Variants in ARHGAP23 observed in about 807,000 individuals in gnomAD.
ARHGAP23 encodes Rho GTPase activating protein 23, also known as rho GTPase-activating protein 23.
ARHGAP23 carries 34 observed loss-of-function variants against 136.3 expected under a neutral mutation model. The ratio of observed to expected loss-of-function variants is 0.25; its 90% CI spans 0.19 to 0.33. The LOEUF is 0.33. ARHGAP23 is among the 10% of genes least tolerant of loss of function. The probability of loss-of-function intolerance (pLI) is 1.00; values close to 1 mark genes in which losing one functional copy is unlikely to be tolerated. For missense variants in ARHGAP23, 1,808 were observed against 2,139.0 expected (o/e 0.85, Z 3.05); for synonymous variants, 832 against 920.5 (o/e 0.90, Z 1.74).
Position 38,466,244 on chromosome 17 carries a change from G to C in ARHGAP23, c.561G>C (p.Pro187=). 6.5e-7 allele frequency: 1 copy of C among 1,547,374 alleles called. No homozygotes were observed. Among genetic ancestry groups the C allele is most frequent in the Non-Finnish European group, 8.7e-7 (1 of 1,145,410 alleles). ...CCCGCAGCATCCCAGAGCCACCCCC[G>C]ATCTGCTACCCCCGCAAGACCTACG... ...GEARSIPEPP[P]ICYPRKTYAP... The change falls in exon 7 of 24, where the codon CCG becomes CCC. Residue 187 remains proline (P), a synonymous_variant. Transcript: ENST00000622683.
intron 11 of ARHGAP23, among the ~76,000 whole-genome samples, chr17:38,476,904 T>G: frequency 6.6e-6 from 1 of 150,800 alleles, no homozygotes; most frequent in Non-Finnish European, 1.5e-5. Context: ...GTGTAGAGGG[T>G]GGGGGAGGGC....
At chr17:38,457,983 C>A in intron 1 of ARHGAP23, 119 bp from the exon 2 acceptor site, 1 of 1,286,532 alleles carries the variant, frequency 7.8e-7, no homozygotes, top group South Asian at 1.4e-5. Context: ...TGCCTGGCAA[C>A]CCTAGGGCGA....
rs1205607010 is a variant in ARHGAP23 at position 38,466,650 on chromosome 17, G to A, written c.967G>A (p.Val323Met). ...CGCCTCCCAGGACCGGTTGGAGGAG[G>A]TGGCTGCCCCCCGCCCGTGGCCCTG... ...RSASQDRLEEVAAPRPWPCST... is the reference protein window; with the variant it reads ...RSASQDRLEEMAAPRPWPCST... Residue 323 changes from valine (V) to methionine (M), a missense_variant, in exon 7 of 24, where the codon GTG becomes ATG. This residue lies in a region of ARHGAP23 where 859 missense variants were observed against 936.4 expected (regional missense o/e 0.92). Coordinates refer to ENST00000622683, the MANE Select transcript of ARHGAP23 (RefSeq NM_001199417.2). The A allele has an allele frequency of 6.6e-7, 1 of 1,516,008 alleles. No individual in the cohort carries two copies. Among genetic ancestry groups the A allele is most frequent in the South Asian group, 1.3e-5 (1 of 79,606 alleles). The allele number at this position is 1,516,008 out of a possible 1,614,324, so 93.9% of individuals were successfully genotyped here. A position where few individuals can be genotyped will look rare whatever the true frequency, so the allele number is the denominator to read the frequency against.
chr17:38,471,824 G>A, intron 10 of ARHGAP23, 39 bp from the exon 11 acceptor site: 1 of 1,504,004 alleles, frequency 6.6e-7, no homozygotes, highest in East Asian at 2.5e-5. Flanking sequence ...CTGGCATTGT[G>A]GGAGCCACCC....
chr17:38,485,490 G>GAA (rs1469173499), intron 16 of ARHGAP23, among the ~76,000 whole-genome samples: 2 of 152,218 alleles, frequency 1.3e-5, no homozygotes, highest in Admixed American at 6.5e-5. Flanking sequence ...AACAAAAGCA[G>GAA]AAAATAATGA....
chr17:38,421,826 C>A (rs1056759675), intron 1 of ARHGAP23, among the ~76,000 whole-genome samples: 1 of 152,222 alleles, frequency 6.6e-6, no homozygotes, highest in African/African-American at 2.4e-5. Context: ...AGAGCTTCGA[C>A]GGGGAGGTGG....
At chr17:38,489,281 A>T (rs2040220589) in intron 17 of ARHGAP23, among the ~76,000 whole-genome samples, 1 of 151,614 alleles carries the variant, frequency 6.6e-6, no homozygotes, top group South Asian at 2.1e-4. Context: ...ATATTTTCTT[A>T]CTTTTTCCCC....
At chr17:38,466,072 T>A (rs2039584221) in intron 6 of ARHGAP23, 95 bp from the exon 7 acceptor site, 1 of 1,108,528 alleles carries the variant, frequency 9.0e-7, no homozygotes, top group Admixed American at 3.6e-5. Flanking sequence ...CTCCCTTCAT[T>A]TCCCTCCTGG....
intron 1 of ARHGAP23, among the ~76,000 whole-genome samples, chr17:38,445,489 AAT>A (rs201954931): frequency 6.6e-6 from 1 of 151,470 alleles, no homozygotes. Flanking sequence ...CATCTGAAAA[AAT>A]ATATATATAT....
Position 38,469,898 on chromosome 17 carries a change from C to G in ARHGAP23, c.1968C>G (p.Thr656=). The change falls in exon 10 of 24, where the codon ACC becomes ACG. Residue 656 remains threonine, a synonymous_variant. Coordinates refer to ENST00000622683, the MANE Select transcript of ARHGAP23 (RefSeq NM_001199417.2). The part of the protein sequence containing the change: ...PSLRMLRSFF[T]DGSLDSWGTS... ...TGCGGATGCTCCGGAGCTTCTTCAC[C>G]GACGGGGTGAGAGCTGCAAGTGTGT... is the stretch of plus-strand genomic sequence containing the variant. 6.4e-7 allele frequency: 1 copy of G among 1,551,666 alleles called. No homozygotes were observed. The highest frequency in any genetic ancestry group is 8.7e-7 in the Non-Finnish European group (1 of 1,146,984).
Position 38,467,308 on chromosome 17 carries a change from C to T in ARHGAP23, c.1625C>T (p.Ser542Phe). The change falls in exon 7 of 24, where the codon TCT (serine) becomes TTT (phenylalanine). Residue 542 changes from serine (S) to phenylalanine (F), a missense_variant. Ser to Phe is a radical substitution (Grantham distance 155). Coordinates refer to ENST00000622683, the MANE Select transcript of ARHGAP23 (RefSeq NM_001199417.2). ...GCCCCTTTGGCCACCACCGAAGACT[C>T]TCTGGCTTCCATCCCCTTTATTGGT... ...KVAPLATTED[S>F]LASIPFIDEP... 6.7e-7 allele frequency: 1 copy of T among 1,491,650 alleles called. No individual in the cohort carries two copies. The highest frequency in any genetic ancestry group is 8.9e-7 in the Non-Finnish European group (1 of 1,120,266). 92.4% of individuals were successfully genotyped at this position (1,491,650 alleles called of 1,614,324 possible). A position where few individuals can be genotyped will look rare whatever the true frequency, so the allele number is the denominator to read the frequency against.
chr17:38,497,659 G>T (rs368747248), intron 20 of ARHGAP23, 126 bp from the exon 21 acceptor site: 4 of 945,826 alleles, frequency 4.2e-6, no homozygotes, highest in South Asian at 3.0e-5. Context: ...TTGCAGCCCC[G>T]CCAGCCTGGG....
At chr17:38,457,373 TC>T (rs1440665124) in intron 1 of ARHGAP23, 2 of 153,168 alleles carry the variant, frequency 1.3e-5, no homozygotes, top group Non-Finnish European at 2.9e-5. Flanking sequence ...GTTTCTTGGT[TC>T]CCCCTGTGTT....
rs1243645711 is a variant in ARHGAP23 at position 38,477,327 on chromosome 17, G to C, written c.2119-252G>C. On this transcript the variant is annotated intron_variant, in intron 11 of 23. Coordinates refer to ENST00000622683, the MANE Select transcript of ARHGAP23 (RefSeq NM_001199417.2). The surrounding 1 kb of genome is among the most constrained non-coding windows in gnomAD (Gnocchi z 6.6). ...GTGAGTGTTGATGCTGGTGTTTAGAGGGGGAGAGGGTTGGGGTCTGCTGGG... is the reference window on the plus strand; with the variant it reads ...GTGAGTGTTGATGCTGGTGTTTAGACGGGGAGAGGGTTGGGGTCTGCTGGG... Among the ~76,000 whole-genome samples the C allele has an allele frequency of 6.6e-6, 1 of 152,038 alleles. No individual in the cohort carries two copies. The highest frequency in any genetic ancestry group is 2.4e-5 in the African/African-American group (1 of 41,366).
rs1333657024 is a variant in ARHGAP23 at position 38,482,079 on chromosome 17, A to G, written c.2687A>G (p.Lys896Arg). 9.7e-6 allele frequency: 15 copies of G among 1,549,986 alleles called. No homozygotes were observed. Among genetic ancestry groups the G allele is most frequent in the Admixed American group, 2.0e-5 (1 of 50,754 alleles). Residue 896 changes from lysine (K) to arginine (R), a missense_variant, in exon 15 of 24, where the codon AAG becomes AGG. Coordinates refer to ENST00000622683, the MANE Select transcript of ARHGAP23 (RefSeq NM_001199417.2). ...GGCATCAACATCATCAAGAAAAATA[A>G]GAAGGCCGCTCCGAGGGCGTTTGGG... is the stretch of plus-strand genomic sequence containing the variant. ...PWGINIIKKN[K>R]KAAPRAFGVR...
intron 3 of ARHGAP23, among the ~76,000 whole-genome samples, chr17:38,462,156 GT>G (rs2039474718): frequency 1.3e-5 from 2 of 150,018 alleles, no homozygotes; most frequent in East Asian, 3.9e-4. Context: ...GTTTCACCAT[GT>G]TGGCCAGGCT....
intron 23 of ARHGAP23, among the ~76,000 whole-genome samples, chr17:38,503,125 C>CAG (rs2040557636): frequency 6.6e-6 from 1 of 151,962 alleles, no homozygotes; most frequent in Admixed American, 6.6e-5. Context: ...AGGTGAGAGA[C>CAG]AGAGAGAGAG....
At chr17:38,482,297 G>T (rs534104898) in intron 15 of ARHGAP23, among the ~76,000 whole-genome samples, 154 bp downstream of exon 15, 1 of 152,340 alleles carries the variant, frequency 6.6e-6, no homozygotes, top group Non-Finnish European at 1.5e-5. Flanking sequence ...CGCCTGCCCC[G>T]GGCCTCCCAG....
intron 1 of ARHGAP23, among the ~76,000 whole-genome samples, chr17:38,441,966 C>CT (rs71300090): frequency 0.02 from 3,080 of 151,840 alleles, 121 homozygotes; most frequent in African/African-American, 0.071. Flanking sequence ...TCCCCCACTC[C>CT]TTTTTTTTGA....
Sources: gnomAD v4.1 joint callset for allele counts (sites outside exome capture counted in the v4.1 genomes callset) on GRCh38, gnomAD v4.1.1 for gene constraint, gnomAD v4.1.1 regional missense constraint, Gnocchi (gnomAD v3.1) non-coding constraint, MANE v1.5 for transcripts, NCBI Gene and HGNC (gene_info 2026-07-23, HGNC 2026-07-21) for gene names.